Variants in SYT7 observed in about 807,000 individuals in gnomAD.
SYT7 encodes the protein synaptotagmin-7.
SYT7 carries 29 observed loss-of-function variants against 75.1 expected under a neutral mutation model. The observed-to-expected ratio is 0.39, with a 90% CI of 0.29 to 0.53. The LOEUF (loss-of-function observed/expected upper bound fraction) is 0.53, where lower values mean the gene tolerates loss of function less well. Among genes scored for constraint, SYT7 ranks in the 20% least tolerant of loss-of-function variants. SYT7 has a pLI of 0.77. For synonymous variants in SYT7, 376 were observed against 401.7 expected, an observed-to-expected ratio of 0.94 and a Z score of 0.76; for missense variants, 693 against 953.2, an observed-to-expected ratio of 0.73 and a Z score of 3.59.
intron 1 of SYT7, among the ~76,000 whole-genome samples, chr11:61,566,288 C>A (rs1565205264): frequency 6.6e-6 from 1 of 152,244 alleles, no homozygotes; most frequent in Non-Finnish European, 1.5e-5. Flanking sequence ...CTCACCTCAC[C>A]TCACCTCACC....
In SYT7 at chr11:61,523,757, C is replaced by T. The variant is rs1461100465; in HGVS notation, c.1756+70G>A. On this transcript the variant is annotated intron_variant, in intron 11 of 12. Coordinates refer to ENST00000539008, the MANE Select transcript of SYT7 (RefSeq NM_001365809.2). This position sits in a 1 kb window ranked among gnomAD's most constrained non-coding sequence, Gnocchi z 5.0. ...GGACCACTGCAGACCCTGCTCTCCA[C>T]ATCCGGTGTAAACCTTGTGTCACCA... The T allele has an allele frequency of 3.4e-6, 5 of 1,465,238 alleles. No individual in the cohort carries two copies. The highest frequency in any genetic ancestry group is 3.4e-5 in the Admixed American group (2 of 58,902). 90.8% of individuals were successfully genotyped at this position (1,465,238 alleles called of 1,614,324 possible).
chr11:61,531,196 C>T (rs1466073558), intron 8 of SYT7: 1 of 939,880 alleles, frequency 1.1e-6, no homozygotes, highest in Non-Finnish European at 1.3e-6. Flanking sequence ...CAGAGCTGTG[C>T]AATTAGACTC....
At chr11:61,556,257 C>T (rs1363694450) in intron 1 of SYT7, 50 bp from the exon 2 acceptor site, 1 of 1,496,938 alleles carries the variant, frequency 6.7e-7, no homozygotes, top group African/African-American at 1.4e-5. Flanking sequence ...GGCCTGCCAC[C>T]CTCCCTCAGC....
rs1262389465 is a variant in SYT7 at position 61,558,512 on chromosome 11, A to ACG, written c.32-2306_32-2305insCG. Among the ~76,000 whole-genome samples the ACG allele has an allele frequency of 2.7e-5, 4 of 150,556 alleles. No homozygotes were observed. In the East Asian group the frequency reaches 7.8e-4, roughly 29 times the overall value. ...CACACACACACACACACATACACACACACACACACACACACACACACACAT... is the reference window on the plus strand; with the variant it reads ...CACACACACACACACACATACACACACGCACACACACACACACACACACACAT... On this transcript the variant is annotated intron_variant, in intron 1 of 12. Transcript: ENST00000539008.
intron 1 of SYT7, among the ~76,000 whole-genome samples, chr11:61,559,325 G>A (rs1250553242): frequency 6.6e-6 from 1 of 152,214 alleles, no homozygotes; most frequent in Non-Finnish European, 1.5e-5. Flanking sequence ...CAGGCAGAGG[G>A]AAAGGCATGG....
Position 61,518,684 on chromosome 11 carries a change from C to T in SYT7, c.2004G>A (p.Lys668=). ...KSGPGEVKHW[K]DMIARPRQPV... ...GCTGCCGGGGACGGGCAATCATGTC[C>T]TTCCAGTGCTTCACCTCCCCTGGCC... The change falls in exon 13 of 13, where the codon AAG becomes AAA. Residue 668 remains lysine (K), a synonymous_variant. Transcript: ENST00000539008. 6.4e-7 allele frequency: 1 copy of T among 1,550,424 alleles called. No individual in the cohort carries two copies.
In SYT7 at chr11:61,515,142, T is replaced by C. The variant is rs1253100789; in HGVS notation, c.*3485A>G. 6.6e-6 allele frequency among the ~76,000 whole-genome samples: 1 copy of C among 152,324 alleles called. No homozygotes were observed. Among genetic ancestry groups the C allele is most frequent in the Admixed American group, 6.5e-5 (1 of 15,304 alleles). ...AGTGGGATCATATTCTATAGAGATC[T>C]GAGGATGGCTGGACACTCGGGAAGG... On this transcript the variant is annotated 3_prime_UTR_variant, in exon 13 of 13. Transcript: ENST00000539008.
intron 1 of SYT7, among the ~76,000 whole-genome samples, chr11:61,564,540 G>A (rs1316888734): frequency 6.6e-6 from 1 of 152,196 alleles, no homozygotes; most frequent in Non-Finnish European, 1.5e-5. Flanking sequence ...GCCTGCCCAG[G>A]AACACGCAGC....
chr11:61,547,875 A>C (rs1171787364), intron 3 of SYT7, among the ~76,000 whole-genome samples: 1 of 152,190 alleles, frequency 6.6e-6, no homozygotes. Flanking sequence ...TAAAAGCTCT[A>C]GTACTGGAGA....
At position 61,523,863 on chromosome 11, in the gene SYT7, G is replaced by A. The variant is rs372623413; in HGVS notation, c.1720C>T (p.Arg574Trp). The A allele has an allele frequency of 1.5e-5, 25 of 1,613,874 alleles. No homozygotes were observed. The highest frequency in any genetic ancestry group is 1.7e-5 in the Admixed American group (1 of 59,982). ...NSIIVNIIKA[R>W]NLKAMDIGGT... ...CCGATGTCCATGGCTTTGAGGTTCC[G>A]GGCTTTGATGATGTTCACGATGATG... is the stretch of plus-strand genomic sequence containing the variant. Residue 574 changes from arginine to tryptophan, a missense_variant, in exon 11 of 13, where the codon CGG becomes TGG. By Grantham distance (101) the Arg-to-Trp change is moderately radical. Around this residue, in one of 2 missense-constraint regions of SYT7, gnomAD observed 206 missense variants for 360.0 expected, o/e 0.57. Coordinates refer to ENST00000539008, the MANE Select transcript of SYT7 (RefSeq NM_001365809.2). The surrounding 1 kb of genome is among the most constrained non-coding windows in gnomAD (Gnocchi z 5.0).
chr11:61,541,637 C>T (rs189940448), intron 6 of SYT7, among the ~76,000 whole-genome samples: 9 of 137,160 alleles, frequency 6.6e-5, no homozygotes, highest in Non-Finnish European at 1.1e-4. Context: ...GAAGTCAGGG[C>T]GGGAGCTGGA....
chr11:61,554,976 T>C (rs1330048894), intron 2 of SYT7, among the ~76,000 whole-genome samples: 1 of 152,140 alleles, frequency 6.6e-6, no homozygotes, highest in Admixed American at 6.5e-5. Context: ...GAAGGAGGCA[T>C]GTTGGGTTCT....
At chr11:61,564,040 T>C (rs1192355550) in intron 1 of SYT7, among the ~76,000 whole-genome samples, 1 of 151,998 alleles carries the variant, frequency 6.6e-6, no homozygotes, top group Non-Finnish European at 1.5e-5. Context: ...TCTCCAAACT[T>C]GAATTAATGG....
At chr11:61,533,809 T>A in intron 7 of SYT7, 2 of 318,800 alleles carry the variant, frequency 6.3e-6, no homozygotes, top group Non-Finnish European at 9.1e-6. Context: ...TTGTTGAATG[T>A]AAGCTCATTT....
At chr11:61,554,482 C>T (rs1419782259) in intron 2 of SYT7, among the ~76,000 whole-genome samples, 2 of 152,036 alleles carry the variant, frequency 1.3e-5, no homozygotes, top group Non-Finnish European at 1.5e-5. Context: ...ACACAGTGCA[C>T]CAATACCCTC....
chr11:61,586,891 T>C, the SYT7 span, among the ~76,000 whole-genome samples: 1 of 152,140 alleles, frequency 6.6e-6, no homozygotes, highest in African/African-American at 2.4e-5. Flanking sequence ...TGCCAGCTTG[T>C]CTGCAGCTCA....
At chr11:61,581,750 A>G (rs971754689), upstream of SYT7, among the ~76,000 whole-genome samples, 1 of 152,070 alleles carries the variant, frequency 6.6e-6, no homozygotes, top group Admixed American at 6.5e-5. Flanking sequence ...AAGAAAATAG[A>G]CTTTTCAGCC....
chr11:61,552,853 C>A (rs551886084), intron 2 of SYT7, among the ~76,000 whole-genome samples: 3 of 152,346 alleles, frequency 2.0e-5, no homozygotes, highest in South Asian at 2.1e-4. Context: ...GCCATATGAA[C>A]CCCTAGAAGG....
intron 1 of SYT7, among the ~76,000 whole-genome samples, chr11:61,567,398 C>T (rs2063800393): frequency 6.6e-6 from 1 of 151,832 alleles, no homozygotes; most frequent in Admixed American, 6.5e-5. Flanking sequence ...GGCTCCTTGT[C>T]CTTGGTGCTG....
Sources: allele counts gnomAD v4.1 joint callset (sites outside exome capture counted in the v4.1 genomes callset), GRCh38; gene constraint gnomAD v4.1.1; regional missense constraint gnomAD v4.1.1; non-coding constraint Gnocchi (gnomAD v3.1); transcripts MANE v1.5; gene names NCBI Gene and HGNC (gene_info 2026-07-23, HGNC 2026-07-21).